The following DIAPH3 variants were observed in gnomAD, a reference collection of about 807,000 sequenced individuals.
The protein encoded by DIAPH3 is diaphanous related formin 3.
Under a neutral mutation model 144.3 loss-of-function variants are expected in DIAPH3, and 117 were observed. That is an observed-to-expected ratio of 0.81 (90% confidence interval 0.70 to 0.95). DIAPH3 has a LOEUF of 0.95. Among genes scored for constraint, DIAPH3 ranks in the 40% least tolerant of loss-of-function variants. The probability of loss-of-function intolerance (pLI) is 0.00; values close to 1 mark genes in which losing one functional copy is unlikely to be tolerated. For synonymous variants in DIAPH3, 519 were observed against 488.9 expected, an observed-to-expected ratio of 1.06 and a Z score of -0.81; for missense variants, 1,421 against 1,412.7, an observed-to-expected ratio of 1.01 and a Z score of -0.09.
At chr13:59,935,050 C>T (rs1402744049) in intron 17 of DIAPH3, among the ~76,000 whole-genome samples, 1 of 152,202 alleles carries the variant, frequency 6.6e-6, no homozygotes, top group Non-Finnish European at 1.5e-5. Flanking sequence ...CACGTGCTTG[C>T]ACTGCACAGG....
At chr13:59,881,653 T>C (rs1223619471) in intron 20 of DIAPH3, among the ~76,000 whole-genome samples, 1 of 152,078 alleles carries the variant, frequency 6.6e-6, no homozygotes, top group African/African-American at 2.4e-5. Flanking sequence ...CCTAGATTTG[T>C]ATGAATAATG....
intron 24 of DIAPH3, among the ~76,000 whole-genome samples, chr13:59,821,426 GA>G (rs533801232): frequency 2.0e-5 from 3 of 151,228 alleles, no homozygotes; most frequent in Non-Finnish European, 4.4e-5. Context: ...TTTTAATTTG[GA>G]AAAAATCCTT....
In DIAPH3 at chr13:59,733,824, T is replaced by C. The variant is rs77857544; in HGVS notation, c.3319+40365A>G. Reference sequence around the variant, plus strand: ...TAAATGAGCACCATGTTCTTTCCAATTCAGCATTTTCCAACCCAGTGCTCA... The same window carrying C: ...TAAATGAGCACCATGTTCTTTCCAACTCAGCATTTTCCAACCCAGTGCTCA... On this transcript the variant is annotated intron_variant, in intron 27 of 27. Transcript: ENST00000400324. Among the ~76,000 whole-genome samples the C allele has an allele frequency of 6.9e-3, 1,044 of 152,334 alleles. 18 individuals are homozygous for C. Among genetic ancestry groups the C allele is most frequent in the African/African-American group, 0.024 (979 of 41,574 alleles).
intron 17 of DIAPH3, among the ~76,000 whole-genome samples, chr13:59,947,606 T>C (rs2048867372): frequency 6.6e-6 from 1 of 152,064 alleles, no homozygotes. Flanking sequence ...GGTGTACACC[T>C]GTAGACCCAG....
Position 59,955,407 on chromosome 13 carries a change from G to C in DIAPH3, c.2074+14537C>G, listed in dbSNP as rs574226777. Among the ~76,000 whole-genome samples the C allele has an allele frequency of 1.2e-4, 19 of 152,224 alleles. No homozygotes were observed. In the South Asian group the frequency reaches 3.9e-3, roughly 32 times the overall value. ...TCTCCTGTCTGCCACCATGTAAGACGTGCCTTTACTCCTCCTTCACATTCC... is the reference window on the plus strand; with the variant it reads ...TCTCCTGTCTGCCACCATGTAAGACCTGCCTTTACTCCTCCTTCACATTCC... On this transcript the variant is annotated intron_variant, in intron 17 of 27. Transcript: ENST00000400324.
chr13:60,109,625 A>C (rs983316756), intron 3 of DIAPH3, among the ~76,000 whole-genome samples: 1 of 152,316 alleles, frequency 6.6e-6, no homozygotes, highest in South Asian at 2.1e-4. Context: ...GGTTTGTATT[A>C]TCTGAAACCA....
chr13:59,697,642 GTTA>G (rs759265814), intron 27 of DIAPH3, among the ~76,000 whole-genome samples: 58 of 152,020 alleles, frequency 3.8e-4, no homozygotes, highest in Non-Finnish European at 7.4e-4. Context: ...CTCTGACAGA[GTTA>G]TTATTAGAGA....
chr13:59,933,401 G>A (rs764357162), intron 17 of DIAPH3, among the ~76,000 whole-genome samples: 6 of 152,202 alleles, frequency 3.9e-5, no homozygotes, highest in Non-Finnish European at 7.3e-5. Flanking sequence ...AGAAGAGTAC[G>A]ATCAGAGTCC....
intron 20 of DIAPH3, among the ~76,000 whole-genome samples, chr13:59,902,197 T>C (rs1308837651): frequency 1.3e-5 from 2 of 152,196 alleles, no homozygotes; most frequent in African/African-American, 4.8e-5. Context: ...CAAGTCAAAT[T>C]GCAATCCCCA....
At chr13:60,126,374 A>G (rs1054264069) in intron 2 of DIAPH3, among the ~76,000 whole-genome samples, 4 of 152,212 alleles carry the variant, frequency 2.6e-5, no homozygotes, top group Non-Finnish European at 1.5e-5. Context: ...AAAAACTAAT[A>G]AAAATTATTT....
chr13:60,018,929 A>G (rs2053831225), intron 5 of DIAPH3, among the ~76,000 whole-genome samples: 1 of 152,148 alleles, frequency 6.6e-6, no homozygotes, highest in Non-Finnish European at 1.5e-5. Flanking sequence ...TGCATAAAAC[A>G]TCTCCCTGTT....
At chr13:59,719,028 G>A (rs1273292156) in intron 27 of DIAPH3, among the ~76,000 whole-genome samples, 2 of 152,006 alleles carry the variant, frequency 1.3e-5, no homozygotes, top group African/African-American at 4.8e-5. Context: ...CTGAGATTTA[G>A]CTCATGGTAT....
At chr13:60,004,538 C>G (rs1458347067) in intron 9 of DIAPH3, among the ~76,000 whole-genome samples, 2 of 152,000 alleles carry the variant, frequency 1.3e-5, no homozygotes, top group African/African-American at 4.8e-5. Flanking sequence ...AATGAGAAAC[C>G]TTTATTAAGG....
intron 5 of DIAPH3, among the ~76,000 whole-genome samples, chr13:60,037,271 C>T (rs138305240): frequency 5.9e-5 from 9 of 151,770 alleles, no homozygotes; most frequent in Non-Finnish European, 8.8e-5. Context: ...GTAAAATAAT[C>T]TGGGGGGCGG....
chr13:59,815,325 G>C (rs1593529135), intron 24 of DIAPH3, among the ~76,000 whole-genome samples: 1 of 152,030 alleles, frequency 6.6e-6, no homozygotes, highest in African/African-American at 2.4e-5. Context: ...AATGCCTTCT[G>C]TATCCTTGGG....
chr13:60,032,479 A>C (rs2054878351), intron 5 of DIAPH3, among the ~76,000 whole-genome samples: 1 of 152,198 alleles, frequency 6.6e-6, no homozygotes, highest in Non-Finnish European at 1.5e-5. Context: ...CTGTGCACCC[A>C]CAGGCTTAAC....
intron 5 of DIAPH3, among the ~76,000 whole-genome samples, chr13:60,021,626 C>T (rs1181727017): frequency 1.4e-5 from 2 of 146,904 alleles, no homozygotes; most frequent in African/African-American, 5.1e-5. Flanking sequence ...GATGGTTGCC[C>T]ACTGCACTCC....
intron 27 of DIAPH3, among the ~76,000 whole-genome samples, chr13:59,756,456 GGAAGGAAGGAAA>G (rs1437429317): frequency 2.8e-5 from 3 of 106,398 alleles, no homozygotes; most frequent in Admixed American, 1.7e-4. Context: ...AAGGAAGGAA[GGAAGGAAGGAAA>G]GAAGGAAGGA....
chr13:59,913,283 G>A (rs1054229152), intron 19 of DIAPH3, among the ~76,000 whole-genome samples: 5 of 151,994 alleles, frequency 3.3e-5, no homozygotes, highest in African/African-American at 9.7e-5. Flanking sequence ...TTTTAAGTGC[G>A]TGGTTCCAAC....
Sources: gnomAD v4.1 joint callset for allele counts (sites outside exome capture counted in the v4.1 genomes callset) on GRCh38, gnomAD v4.1.1 for gene constraint, MANE v1.5 for transcripts, NCBI Gene and HGNC (gene_info 2026-07-23, HGNC 2026-07-21) for gene names.